Variants in AIMP2 observed in about 807,000 individuals in gnomAD.
AIMP2 encodes the protein aminoacyl tRNA synthase complex-interacting multifunctional protein 2.
A neutral mutation model predicts 23.4 loss-of-function variants in AIMP2; 20 were observed. The observed-to-expected ratio is 0.85, with a 90% CI of 0.60 to 1.24. The LOEUF (loss-of-function observed/expected upper bound fraction) is 1.24, where lower values mean the gene tolerates loss of function less well. Among genes scored for constraint, AIMP2 ranks in the 50% most tolerant of loss-of-function variants. The probability of loss-of-function intolerance (pLI) is 0.00; values close to 1 mark genes in which losing one functional copy is unlikely to be tolerated. For synonymous variants in AIMP2, 210 were observed against 170.4 expected (o/e 1.23, Z -1.81); for missense variants, 515 against 414.5 (o/e 1.24, Z -2.10).
At position 6,015,273 on chromosome 7, in the gene AIMP2, A is replaced by G; in HGVS notation, c.263A>G (p.Asp88Gly). 6.2e-7 allele frequency: 1 copy of G among 1,614,200 alleles called. No individual in the cohort carries two copies. Among genetic ancestry groups the G allele is most frequent in the Non-Finnish European group, 8.5e-7 (1 of 1,180,044 alleles). The change falls in exon 2 of 4, where the codon GAT becomes GGT. Residue 88 changes from aspartate to glycine, a missense_variant. Transcript: ENST00000223029. ...KMIQTPDADL[D>G]VTNIIQADEP... ...ATTCAAACACCAGATGCAGACTTGGATGTAACCAACATAATCCAAGCGGAT... is the reference window on the plus strand; with the variant it reads ...ATTCAAACACCAGATGCAGACTTGGGTGTAACCAACATAATCCAAGCGGAT...
intron 3 of AIMP2, chr7:6,022,967 C>T (rs963751980): frequency 2.3e-5 from 6 of 261,830 alleles, no homozygotes; most frequent in African/African-American, 1.3e-4. Context: ...GGCCAAGAGC[C>T]TGGGAGATGC....
At position 6,017,828 on chromosome 7, in the gene AIMP2, G is replaced by C; in HGVS notation, c.357G>C (p.Leu119=). The C allele has an allele frequency of 6.2e-7, 1 of 1,613,824 alleles. No individual in the cohort carries two copies. Among genetic ancestry groups the C allele is most frequent in the Non-Finnish European group, 8.5e-7 (1 of 1,179,888 alleles). Residue 119 remains leucine (L), a synonymous_variant, in exon 3 of 4, where the codon CTG becomes CTC. Coordinates refer to ENST00000223029, the MANE Select transcript of AIMP2 (RefSeq NM_006303.4). ...NSVLGKDYGA[L]KDIVINANPA... ...TCTTTCCCCAGGATTACGGGGCGCT[G>C]AAAGACATCGTGATCAACGCAAACC... is the stretch of plus-strand genomic sequence containing the variant.
intron 3 of AIMP2, among the ~76,000 whole-genome samples, chr7:6,021,540 A>G (rs1787418675): frequency 6.6e-6 from 1 of 152,060 alleles, no homozygotes; most frequent in South Asian, 2.1e-4. Flanking sequence ...CATGAAATAG[A>G]TCATAGATGG....
At chr7:6,015,020 CATA>C (rs1786933477) in intron 1 of AIMP2, 123 bp from the exon 2 acceptor site, 1 of 1,545,892 alleles carries the variant, frequency 6.5e-7, no homozygotes, top group African/African-American at 1.4e-5. Context: ...ACACCCAGCC[CATA>C]ATGTCTTCTT....
At position 6,023,740 on chromosome 7, in the gene AIMP2, T is replaced by C; in HGVS notation, c.*49T>C. On this transcript the variant is annotated 3_prime_UTR_variant, in exon 4 of 4. Transcript: ENST00000223029. Reference sequence around the variant, plus strand: ...GTTTAGATTTTAAGAATGGTGCTCTTTCATGCCTATTATCAGTAAGGGGAC... The same window carrying C: ...GTTTAGATTTTAAGAATGGTGCTCTCTCATGCCTATTATCAGTAAGGGGAC... 1 of 1,613,666 alleles carries C rather than the reference T, an allele frequency of 6.2e-7. No homozygotes were observed. The highest frequency in any genetic ancestry group is 8.5e-7 in the Non-Finnish European group (1 of 1,179,816).
chr7:6,009,571 G>C lies in AIMP2; in HGVS notation c.135+73G>C, dbSNP rs978343145. Reference sequence around the variant, plus strand: ...TGCTGGCCCGGGTCCCCCCAGGCCGGAGCGAGCGCGTCCCAACCGGTTCAC... The same window carrying C: ...TGCTGGCCCGGGTCCCCCCAGGCCGCAGCGAGCGCGTCCCAACCGGTTCAC... On this transcript the variant is annotated intron_variant, in intron 1 of 3. Transcript: ENST00000223029. The C allele has an allele frequency of 3.8e-6, 5 of 1,327,688 alleles. No homozygotes were observed. In the African/African-American group the frequency reaches 4.7e-5, roughly 12 times the overall value. 82.2% of individuals were successfully genotyped at this position (1,327,688 alleles called of 1,614,324 possible).
intron 1 of AIMP2, among the ~76,000 whole-genome samples, chr7:6,011,384 C>A (rs1415754329): frequency 6.6e-6 from 1 of 152,192 alleles, no homozygotes; most frequent in Admixed American, 6.5e-5. Context: ...CTCCAGACTT[C>A]TCTAACTTGA....
At chr7:6,021,167 G>GA (rs1444613867) in intron 3 of AIMP2, among the ~76,000 whole-genome samples, 1 of 152,002 alleles carries the variant, frequency 6.6e-6, no homozygotes, top group Non-Finnish European at 1.5e-5. Flanking sequence ...AGTACTCTAT[G>GA]AAATTGTCAG....
At position 6,023,562 on chromosome 7, in the gene AIMP2, CGTG is replaced by C; in HGVS notation, c.838_840del (p.Val280del). The C allele has an allele frequency of 6.2e-7, 1 of 1,614,214 alleles. No homozygotes were observed. Among genetic ancestry groups the C allele is most frequent in the South Asian group, 1.1e-5 (1 of 91,086 alleles). On this transcript the variant is annotated inframe_deletion, in exon 4 of 4. Transcript: ENST00000223029. ...CTGGGAATGAACTCACCGTAGCAGACGTGGTGCTGTGGTCTGTACTCCAGCAGA... is the reference window on the plus strand; with the variant it reads ...CTGGGAATGAACTCACCGTAGCAGACGTGCTGTGGTCTGTACTCCAGCAGA...
rs1025111118 is a variant in AIMP2 at position 6,013,811 on chromosome 7, C to T, written c.136-1335C>T. Among the ~76,000 whole-genome samples, 6 of 151,992 alleles carry T rather than the reference C, an allele frequency of 3.9e-5. No homozygotes were observed. In the South Asian group the frequency reaches 1.2e-3, roughly 32 times the overall value. ...CAAAAAAATTTAAAAATTAGCCAGG[C>T]TTGGTGGCACACACTTGTAGTCCCA... On this transcript the variant is annotated intron_variant, in intron 1 of 3. Transcript: ENST00000223029.
chr7:6,019,893 G>A (rs1003501524), intron 3 of AIMP2, among the ~76,000 whole-genome samples: 4 of 151,736 alleles, frequency 2.6e-5, no homozygotes, highest in Admixed American at 1.3e-4. Context: ...GTGGTGGTGC[G>A]TGCCTGTAGT....
intron 1 of AIMP2, among the ~76,000 whole-genome samples, chr7:6,010,807 GTTT>G (rs35316507): frequency 7.0e-6 from 1 of 143,424 alleles, no homozygotes; most frequent in East Asian, 2.0e-4. Flanking sequence ...GTGTCTGGGT[GTTT>G]TTTTTTTTTT....
chr7:6,015,501 G>A (rs568265301), intron 2 of AIMP2, 149 bp downstream of exon 2: 103 of 780,488 alleles, frequency 1.3e-4, no homozygotes, highest in South Asian at 7.1e-4. Context: ...AAGGCGGGCA[G>A]ATCATGAGGT....
intron 1 of AIMP2, among the ~76,000 whole-genome samples, chr7:6,009,741 A>G (rs1786422558): frequency 6.6e-6 from 1 of 150,492 alleles, no homozygotes; most frequent in African/African-American, 2.4e-5. Flanking sequence ...ACCTGAGGTC[A>G]GGAGTTCGAG....
Position 6,015,139 on chromosome 7 carries a change from T to G in AIMP2, c.136-7T>G. 1.2e-6 allele frequency: 2 copies of G among 1,614,070 alleles called. No homozygotes were observed. The highest frequency in any genetic ancestry group is 2.2e-5 in the South Asian group (2 of 91,066). Reference sequence around the variant, plus strand: ...GGAAATGAACATTTGGCTGTTGGTTTGTTTAGGAAGAGTCTAACCTGTCTC... The same window carrying G: ...GGAAATGAACATTTGGCTGTTGGTTGGTTTAGGAAGAGTCTAACCTGTCTC... On this transcript the variant is annotated splice_region_variant and splice_polypyrimidine_tract_variant and intron_variant, in intron 1 of 3. Coordinates refer to ENST00000223029, the MANE Select transcript of AIMP2 (RefSeq NM_006303.4).
rs775245397 is a variant in AIMP2 at position 6,023,485 on chromosome 7, G to C, written c.757G>C (p.Ala253Pro). 1 of 1,614,056 alleles carries C rather than the reference G, an allele frequency of 6.2e-7. No homozygotes were observed. The highest frequency in any genetic ancestry group is 8.5e-7 in the Non-Finnish European group (1 of 1,179,996). Residue 253 changes from alanine to proline, a missense_variant, in exon 4 of 4, where the codon GCC becomes CCC. Physicochemically the swap from Ala to Pro is conservative, Grantham distance 27. Coordinates refer to ENST00000223029, the MANE Select transcript of AIMP2 (RefSeq NM_006303.4). ...QLKEGSSKEK[A>P]AVFRSMNSAL... ...AAAAGAGGGAAGCAGTAAAGAAAAA[G>C]CCGCTGTTTTCCGCTCCATGAACTC...
chr7:6,009,968 A>ATATATATATATATAT (rs1289301847), intron 1 of AIMP2, among the ~76,000 whole-genome samples: 15 of 36,696 alleles, frequency 4.1e-4, no homozygotes, highest in South Asian at 1.2e-3. Context: ...AAAAAAAAAA[A>ATATATATATATATAT]AAAAAAATAT....
chr7:6,013,255 A>ATTTTTTTTTTTTTTTTTTTTTTT, intron 1 of AIMP2: 1 of 117,290 alleles, frequency 8.5e-6, no homozygotes, highest in Non-Finnish European at 1.7e-5. Flanking sequence ...ACAATATCTG[A>ATTTTTTTTTTTTTTTTTTTTTTT]TTTTTTTTTT....
chr7:6,013,255 ATTTTTTTTTTTTTTT>A (rs71008349), intron 1 of AIMP2: 1 of 117,266 alleles, frequency 8.5e-6, no homozygotes, highest in Admixed American at 9.9e-5. Flanking sequence ...ACAATATCTG[ATTTTTTTTTTTTTTT>A]TTTTTTTTTT....
Sources: gnomAD v4.1 joint callset for allele counts (sites outside exome capture counted in the v4.1 genomes callset) on GRCh38, gnomAD v4.1.1 for gene constraint, MANE v1.5 for transcripts, NCBI Gene and HGNC (gene_info 2026-07-23, HGNC 2026-07-21) for gene names.